The following OR6N1 variants were observed in gnomAD, a reference collection of about 807,000 sequenced individuals.
OR6N1 encodes the protein olfactory receptor family 6 subfamily N member 1.
For synonymous variants in OR6N1, 170 were observed against 150.7 expected, an observed-to-expected ratio of 1.13 and a Z score of -0.94; for missense variants, 394 against 371.7, an observed-to-expected ratio of 1.06 and a Z score of -0.49.
chr1:158,820,289 A>C, the OR6N1 span, among the ~76,000 whole-genome samples: 3 of 152,350 alleles, frequency 2.0e-5, no homozygotes, highest in African/African-American at 7.2e-5. Flanking sequence ...ACAGTGCTGC[A>C]GAGATTTTGT....
chr1:158,810,570 G>T, the OR6N1 span, among the ~76,000 whole-genome samples: 2 of 152,236 alleles, frequency 1.3e-5, no homozygotes, highest in African/African-American at 4.8e-5. Flanking sequence ...CCTCGCTGTG[G>T]ACTTTACAGT....
At chr1:158,837,219 C>G in the OR6N1 span, among the ~76,000 whole-genome samples, 1 of 151,732 alleles carries the variant, frequency 6.6e-6, no homozygotes, top group African/African-American at 2.4e-5. Context: ...TATAATTGGT[C>G]TATAAGTGGT....
chr1:158,817,099 A>C, the OR6N1 span, among the ~76,000 whole-genome samples: 2 of 152,258 alleles, frequency 1.3e-5, no homozygotes, highest in Non-Finnish European at 2.9e-5. Context: ...AGGTATGAAA[A>C]GGGTCAAAGA....
At chr1:158,803,340 A>G in the OR6N1 span, among the ~76,000 whole-genome samples, 1 of 152,154 alleles carries the variant, frequency 6.6e-6, no homozygotes, top group African/African-American at 2.4e-5. Context: ...CTTATGTCCC[A>G]CTTACTCTGA....
the OR6N1 span, among the ~76,000 whole-genome samples, chr1:158,820,971 T>A: frequency 6.6e-6 from 1 of 152,132 alleles, no homozygotes; most frequent in Non-Finnish European, 1.5e-5. Context: ...AGAGAAGAAG[T>A]TCAATGAATA....
chr1:158,775,617 A>G (rs766597871), upstream of OR6N1: 11 of 152,212 alleles, frequency 7.2e-5, no homozygotes, highest in Non-Finnish European at 1.5e-4. Flanking sequence ...ATAGAATGAG[A>G]GTAGGAGAAA....
chr1:158,773,933 T>G (rs537195084), upstream of OR6N1, among the ~76,000 whole-genome samples: 1 of 152,366 alleles, frequency 6.6e-6, no homozygotes, highest in East Asian at 1.9e-4. Flanking sequence ...TAGCCTGCCA[T>G]TTTTAAAAAG....
chr1:158,829,779 C>T, the OR6N1 span, among the ~76,000 whole-genome samples: 1 of 152,088 alleles, frequency 6.6e-6, no homozygotes, highest in African/African-American at 2.4e-5. Context: ...CAAGACTGGG[C>T]ATTTTACAAA....
the OR6N1 span, among the ~76,000 whole-genome samples, chr1:158,781,620 ACT>A: frequency 6.6e-6 from 1 of 152,212 alleles, no homozygotes; most frequent in Non-Finnish European, 1.5e-5. Context: ...CCGAAGAGAC[ACT>A]GTTTCCCCTC....
chr1:158,800,683 G>A, the OR6N1 span, among the ~76,000 whole-genome samples: 1 of 152,122 alleles, frequency 6.6e-6, no homozygotes, highest in Non-Finnish European at 1.5e-5. Context: ...CTTAAAATAA[G>A]CTAAAATAAA....
the OR6N1 span, among the ~76,000 whole-genome samples, chr1:158,819,844 A>T: frequency 1.3e-5 from 2 of 152,162 alleles, no homozygotes; most frequent in Non-Finnish European, 2.9e-5. Context: ...TTTATAATAG[A>T]ACATACAGTC....
chr1:158,791,887 T>C, the OR6N1 span, among the ~76,000 whole-genome samples: 2 of 152,350 alleles, frequency 1.3e-5, no homozygotes, highest in African/African-American at 4.8e-5. Context: ...GGGTAGTAAG[T>C]TCTGTAAATA....
At chr1:158,812,057 AC>A in the OR6N1 span, among the ~76,000 whole-genome samples, 2 of 152,312 alleles carry the variant, frequency 1.3e-5, no homozygotes, top group Non-Finnish European at 2.9e-5. Flanking sequence ...CTGCCATTTG[AC>A]AAAATTAGTT....
chr1:158,782,077 G>C, the OR6N1 span, among the ~76,000 whole-genome samples: 1 of 152,086 alleles, frequency 6.6e-6, no homozygotes, highest in African/African-American at 2.4e-5. Context: ...GCATAACCAA[G>C]GTCACACTAC....
At position 158,766,172 on chromosome 1, in the gene OR6N1, G is replaced by T; in HGVS notation, c.511C>A (p.Pro171Thr). The stretch of plus-strand genomic sequence containing the variant: ...CAAAAGACGTGCTGAATGCGATTGG[G>T]GCCACAGAATGGGAGGCGTGAAATC... Reference protein sequence around the residue: ...SLISRLPFCGPNRIQHVFCDF... With the variant: ...SLISRLPFCGTNRIQHVFCDF... The change falls in exon 2 of 2, where the codon CCC becomes ACC. Residue 171 changes from proline to threonine, a missense_variant. Coordinates refer to ENST00000641846, the MANE Select transcript of OR6N1 (RefSeq NM_001005185.2). 1 of 1,614,158 alleles carries T rather than the reference G, an allele frequency of 6.2e-7. No individual in the cohort carries two copies. The highest frequency in any genetic ancestry group is 8.5e-7 in the Non-Finnish European group (1 of 1,180,036).
the OR6N1 span, among the ~76,000 whole-genome samples, chr1:158,833,294 C>G: frequency 6.6e-6 from 1 of 152,152 alleles, no homozygotes; most frequent in African/African-American, 2.4e-5. Context: ...CTTCTGAAAG[C>G]TTTGAATATA....
At chr1:158,791,270 T>C in the OR6N1 span, among the ~76,000 whole-genome samples, 1 of 152,212 alleles carries the variant, frequency 6.6e-6, no homozygotes, top group Admixed American at 6.5e-5. Context: ...CTGTGTTTGC[T>C]CTATCCCAGA....
At chr1:158,838,865 C>T in the OR6N1 span, among the ~76,000 whole-genome samples, 3 of 152,102 alleles carry the variant, frequency 2.0e-5, no homozygotes, top group South Asian at 6.2e-4. Flanking sequence ...GCTGAGGAAC[C>T]CCTCTAGTGG....
chr1:158,814,700 T>A, the OR6N1 span, among the ~76,000 whole-genome samples: 1 of 152,180 alleles, frequency 6.6e-6, no homozygotes, highest in African/African-American at 2.4e-5. Flanking sequence ...CCTCATGACC[T>A]AATCAACTTC....
Sources: allele counts gnomAD v4.1 joint callset (sites outside exome capture counted in the v4.1 genomes callset), GRCh38; gene constraint gnomAD v4.1.1; transcripts MANE v1.5; gene names NCBI Gene and HGNC (gene_info 2026-07-23, HGNC 2026-07-21).